The following CNTNAP2 variants were observed in gnomAD, a reference collection of about 807,000 sequenced individuals.
CNTNAP2 encodes contactin associated protein 2, also known as contactin-associated protein-like 2.
A neutral mutation model predicts 155.2 loss-of-function variants in CNTNAP2; 98 were observed. The observed-to-expected ratio is 0.63, with a 90% CI of 0.54 to 0.75. The LOEUF is 0.75. CNTNAP2 is among the 30% of genes least tolerant of loss of function. The pLI, the probability that CNTNAP2 is intolerant of heterozygous loss-of-function variation, is 0.00. For synonymous variants in CNTNAP2, 651 were observed against 631.2 expected (o/e 1.03, Z -0.47); for missense variants, 1,727 against 1,688.1 (o/e 1.02, Z -0.40).
intron 1 of CNTNAP2, among the ~76,000 whole-genome samples, chr7:146,441,692 A>G (rs779103901): frequency 6.6e-6 from 1 of 151,334 alleles, no homozygotes; most frequent in Non-Finnish European, 1.5e-5. Flanking sequence ...CAAAATCTCT[A>G]CCTGAGAAGA....
chr7:147,517,957 A>C (rs1799158161), intron 11 of CNTNAP2, among the ~76,000 whole-genome samples: 1 of 152,166 alleles, frequency 6.6e-6, no homozygotes, highest in Non-Finnish European at 1.5e-5. Flanking sequence ...TTGAGACAGA[A>C]ACTCAATCTA....
intron 11 of CNTNAP2, among the ~76,000 whole-genome samples, chr7:147,493,581 CTAGGATG>C (rs772408915): frequency 6.4e-4 from 97 of 152,258 alleles, no homozygotes; most frequent in Admixed American, 3.0e-3. Flanking sequence ...GGCAGGAATA[CTAGGATG>C]TAGCCCCCTC....
At chr7:147,440,519 C>T (rs1797619975) in intron 10 of CNTNAP2, among the ~76,000 whole-genome samples, 1 of 151,788 alleles carries the variant, frequency 6.6e-6, no homozygotes, top group Non-Finnish European at 1.5e-5. Flanking sequence ...TCATGGTTAC[C>T]ATGTTATATT....
intron 22 of CNTNAP2, among the ~76,000 whole-genome samples, chr7:148,387,680 T>C (rs1348865334): frequency 6.6e-6 from 1 of 152,142 alleles, no homozygotes; most frequent in African/African-American, 2.4e-5. Flanking sequence ...TTAAAAGCTC[T>C]AATCTTGTAT....
intron 2 of CNTNAP2, among the ~76,000 whole-genome samples, chr7:146,808,120 G>C (rs1047366725): frequency 2.0e-5 from 3 of 152,104 alleles, no homozygotes; most frequent in African/African-American, 7.2e-5. Context: ...CCTGTCTTAA[G>C]TTTCTTGCCA....
intron 12 of CNTNAP2, among the ~76,000 whole-genome samples, chr7:147,632,018 A>G (rs1034068748): frequency 9.2e-5 from 14 of 152,240 alleles, no homozygotes; most frequent in African/African-American, 2.9e-4. Flanking sequence ...GCACAGCAAA[A>G]GAAATAGTCA....
chr7:147,715,884 G>A (rs1796475877), intron 13 of CNTNAP2, among the ~76,000 whole-genome samples: 1 of 152,130 alleles, frequency 6.6e-6, no homozygotes, highest in South Asian at 2.1e-4. Context: ...AAGGTGCAAG[G>A]TTTAGATCAA....
At chr7:148,034,729 G>C (rs1369944078) in intron 15 of CNTNAP2, among the ~76,000 whole-genome samples, 1 of 152,224 alleles carries the variant, frequency 6.6e-6, no homozygotes, top group Non-Finnish European at 1.5e-5. Context: ...AAATTTGGAG[G>C]AGTAGGCTGG....
At chr7:148,221,249 A>G (rs1795743708) in intron 19 of CNTNAP2, among the ~76,000 whole-genome samples, 1 of 152,196 alleles carries the variant, frequency 6.6e-6, no homozygotes, top group African/African-American at 2.4e-5. Flanking sequence ...GGTGCCATGC[A>G]TTAATTCCCA....
intron 16 of CNTNAP2, among the ~76,000 whole-genome samples, chr7:148,123,641 A>AAGGAAGGAAGGAAGGGAGAGC: frequency 1.2e-5 from 1 of 82,398 alleles, no homozygotes; most frequent in South Asian, 3.8e-4. Flanking sequence ...AGCAGGAAGG[A>AAGGAAGGAAGGAAGGGAGAGC]AGGAAGGAAG....
intron 1 of CNTNAP2, among the ~76,000 whole-genome samples, chr7:146,466,819 G>GTC (rs1796723463): frequency 6.6e-6 from 1 of 152,128 alleles, no homozygotes; most frequent in Admixed American, 6.6e-5. Flanking sequence ...AAATGAAACA[G>GTC]TCTGATCTAA....
At chr7:146,898,981 C>G (rs576289669) in intron 3 of CNTNAP2, among the ~76,000 whole-genome samples, 2 of 152,116 alleles carry the variant, frequency 1.3e-5, no homozygotes, top group South Asian at 4.1e-4. Context: ...GTTTTAAATT[C>G]AATGAAACCA....
At chr7:147,547,318 C>A (rs1799754759) in intron 11 of CNTNAP2, among the ~76,000 whole-genome samples, 1 of 152,084 alleles carries the variant, frequency 6.6e-6, no homozygotes, top group Admixed American at 6.6e-5. Context: ...ATGCAGTGAC[C>A]CAGACTTTCA....
chr7:146,650,281 A>G lies in CNTNAP2; in HGVS notation c.98-123990A>G, dbSNP rs1274126448. Among the ~76,000 whole-genome samples the G allele has an allele frequency of 3.3e-5, 5 of 152,134 alleles. No homozygotes were observed. The East Asian group carries it at 9.6e-4, about 29-fold the overall frequency. ...TGCAGCACTATTCACAATAGCAAAG[A>G]CTTGGACCAACCCAAATTCCTATCA... is the stretch of plus-strand genomic sequence containing the variant. On this transcript the variant is annotated intron_variant, in intron 1 of 23. Coordinates refer to ENST00000361727, the MANE Select transcript of CNTNAP2 (RefSeq NM_014141.6).
At chr7:147,443,332 C>T (rs768281889) in intron 10 of CNTNAP2, among the ~76,000 whole-genome samples, 1 of 152,168 alleles carries the variant, frequency 6.6e-6, no homozygotes, top group Admixed American at 6.5e-5. Flanking sequence ...GAAATTGCTG[C>T]ACGCTGTCTC....
chr7:147,029,591 T>C (rs919998427), intron 3 of CNTNAP2, among the ~76,000 whole-genome samples: 4 of 151,166 alleles, frequency 2.6e-5, no homozygotes, highest in Non-Finnish European at 5.9e-5. Flanking sequence ...TCCAAATATA[T>C]TGGAAAAAAT....
At chr7:146,165,589 G>C (rs1798300357) in intron 1 of CNTNAP2, among the ~76,000 whole-genome samples, 1 of 152,084 alleles carries the variant, frequency 6.6e-6, no homozygotes, top group Non-Finnish European at 1.5e-5. Context: ...ATCTTTTTCA[G>C]TAATGTTTAA....
At chr7:147,485,239 G>T (rs1392416540) in intron 10 of CNTNAP2, among the ~76,000 whole-genome samples, 2 of 152,116 alleles carry the variant, frequency 1.3e-5, no homozygotes, top group African/African-American at 4.8e-5. Context: ...AAAATTATTT[G>T]TAAGATAGAA....
intron 1 of CNTNAP2, among the ~76,000 whole-genome samples, chr7:146,576,378 T>G (rs1433984161): frequency 1.3e-5 from 2 of 152,176 alleles, no homozygotes; most frequent in African/African-American, 4.8e-5. Flanking sequence ...GGGGTAGATA[T>G]GGACATTGTA....
Sources: allele counts gnomAD v4.1 joint callset (sites outside exome capture counted in the v4.1 genomes callset), GRCh38; gene constraint gnomAD v4.1.1; transcripts MANE v1.5; gene names NCBI Gene and HGNC (gene_info 2026-07-23, HGNC 2026-07-21).